Variants in RPIA observed in about 807,000 individuals in gnomAD.
RPIA encodes the protein ribose 5-phosphate isomerase A, also known as ribose-5-phosphate isomerase.
RPIA carries 29 observed loss-of-function variants against 37.8 expected under a neutral mutation model. The ratio of observed to expected loss-of-function variants is 0.77; its 90% CI spans 0.57 to 1.05. The LOEUF is 1.05. Ranked by LOEUF, RPIA falls within the 50% of genes least tolerant of loss-of-function variation. RPIA has a pLI of 0.00. For missense variants in RPIA, 385 were observed against 413.6 expected, an observed-to-expected ratio of 0.93 and a Z score of 0.60; for synonymous variants, 167 against 157.0, an observed-to-expected ratio of 1.06 and a Z score of -0.48.
At chr2:88,721,406 TTATAAA>T (rs1180683008) in intron 3 of RPIA, among the ~76,000 whole-genome samples, 12 of 148,908 alleles carry the variant, frequency 8.1e-5, no homozygotes, top group African/African-American at 2.9e-4. Flanking sequence ...ACTTTAATAC[TTATAAA>T]TATATTACTA....
At chr2:88,742,036 G>T (rs1397596688) in intron 8 of RPIA, among the ~76,000 whole-genome samples, 1 of 152,038 alleles carries the variant, frequency 6.6e-6, no homozygotes, top group Non-Finnish European at 1.5e-5. Context: ...TCCTTTTGTT[G>T]TGCAGAAGCT....
chr2:88,699,171 T>C (rs7565298), intron 2 of RPIA, among the ~76,000 whole-genome samples: 9,388 of 152,298 alleles, frequency 0.062, 515 homozygotes, highest in African/African-American at 0.14. Context: ...AGGAACACTT[T>C]GTTATCAAGG....
chr2:88,723,219 G>C (rs1673156007), intron 3 of RPIA, among the ~76,000 whole-genome samples: 1 of 152,138 alleles, frequency 6.6e-6, no homozygotes, highest in African/African-American at 2.4e-5. Context: ...AGACCAACTA[G>C]TTATTAAGCT....
intron 1 of RPIA, among the ~76,000 whole-genome samples, chr2:88,694,281 G>A (rs1301489164): frequency 6.6e-6 from 1 of 152,228 alleles, no homozygotes; most frequent in Non-Finnish European, 1.5e-5. Context: ...TGGGTGAAGA[G>A]CTTTAGGTCT....
chr2:88,728,919 A>G (rs1047213230), intron 3 of RPIA, among the ~76,000 whole-genome samples: 1 of 152,058 alleles, frequency 6.6e-6, no homozygotes, highest in Non-Finnish European at 1.5e-5. Flanking sequence ...TTGTTTTAAA[A>G]CCTTTGTAGT....
intron 3 of RPIA, among the ~76,000 whole-genome samples, chr2:88,722,091 G>T (rs969716933): frequency 1.3e-5 from 2 of 149,876 alleles, no homozygotes; most frequent in Non-Finnish European, 3.0e-5. Context: ...TTTTATTCTA[G>T]GCCCAAATTA....
chr2:88,750,358 A>C lies in RPIA; in HGVS notation c.*280A>C, dbSNP rs1673490470. On this transcript the variant is annotated 3_prime_UTR_variant, in exon 9 of 9. Transcript: ENST00000283646. ...TCATGTTTTATATGAAATATTTACC[A>C]AAAAAAAAAAATGAGGTAAACTGTA... is the stretch of plus-strand genomic sequence containing the variant. The C allele has an allele frequency of 5.5e-6, 1 of 181,490 alleles. No homozygotes were observed. Among genetic ancestry groups the C allele is most frequent in the South Asian group, 1.4e-4 (1 of 6,916 alleles). 11.2% of individuals were successfully genotyped at this position (181,490 alleles called of 1,614,324 possible).
intron 1 of RPIA, among the ~76,000 whole-genome samples, chr2:88,695,385 A>C (rs1004942170): frequency 6.6e-6 from 1 of 152,310 alleles, no homozygotes; most frequent in Admixed American, 6.5e-5. Context: ...GTTGAAATTG[A>C]ATTGGAGGAT....
chr2:88,714,336 AT>A (rs1446999860), intron 3 of RPIA, among the ~76,000 whole-genome samples: 4 of 151,864 alleles, frequency 2.6e-5, no homozygotes, highest in Non-Finnish European at 5.9e-5. Flanking sequence ...CACCCGGCTA[AT>A]TTTTTTGTAT....
intron 1 of RPIA, among the ~76,000 whole-genome samples, chr2:88,692,800 T>C (rs10177077): frequency 7.2e-4 from 109 of 152,282 alleles, no homozygotes; most frequent in African/African-American, 2.5e-3. Flanking sequence ...GGTATTAGAG[T>C]CTCTTTTCTT....
chr2:88,713,046 T>G (rs1672978524), intron 3 of RPIA, among the ~76,000 whole-genome samples: 1 of 149,214 alleles, frequency 6.7e-6, no homozygotes, highest in Non-Finnish European at 1.5e-5. Flanking sequence ...TTTTTTTGTA[T>G]TTTTAGTAGA....
rs537744342 is a variant in RPIA, at chr2:88,735,943, T to G, written c.596+206T>G. 3.9e-5 allele frequency among the ~76,000 whole-genome samples: 6 copies of G among 152,326 alleles called. No homozygotes were observed. The South Asian group carries it at 1.2e-3, about 32-fold the overall frequency. ...GATGTTGCTAATCACAGCACTGTTA[T>G]CCGCAGCCAGGATCTCTAGCATCGT... On this transcript the variant is annotated intron_variant, in intron 6 of 8. Coordinates refer to ENST00000283646, the MANE Select transcript of RPIA (RefSeq NM_144563.3).
chr2:88,725,192 T>G (rs1272268458), intron 3 of RPIA, among the ~76,000 whole-genome samples: 1 of 152,228 alleles, frequency 6.6e-6, no homozygotes, highest in African/African-American at 2.4e-5. Flanking sequence ...TAGAAGCTTC[T>G]GGTGTCTAGC....
At chr2:88,707,945 T>C (rs1672916697) in intron 3 of RPIA, among the ~76,000 whole-genome samples, 1 of 152,202 alleles carries the variant, frequency 6.6e-6, no homozygotes, top group African/African-American at 2.4e-5. Context: ...ATCGGAACAT[T>C]GGACTGATTC....
chr2:88,742,913 G>T (rs1449226841), intron 8 of RPIA, among the ~76,000 whole-genome samples: 1 of 152,122 alleles, frequency 6.6e-6, no homozygotes, highest in Non-Finnish European at 1.5e-5. Context: ...AAACTTTACG[G>T]AATTCATTTA....
chr2:88,725,159 C>T (rs996244514), intron 3 of RPIA, among the ~76,000 whole-genome samples: 5 of 152,236 alleles, frequency 3.3e-5, no homozygotes, highest in East Asian at 3.9e-4. Context: ...CTACACGCTC[C>T]GGAGACCCTT....
chr2:88,718,325 T>G (rs1673060938), intron 3 of RPIA, among the ~76,000 whole-genome samples: 1 of 152,076 alleles, frequency 6.6e-6, no homozygotes, highest in African/African-American at 2.4e-5. Context: ...TTGTATACAG[T>G]GCAGCAAGAA....
intron 5 of RPIA, among the ~76,000 whole-genome samples, chr2:88,734,997 T>C (rs1317094114): frequency 6.6e-6 from 1 of 152,254 alleles, no homozygotes; most frequent in Non-Finnish European, 1.5e-5. Flanking sequence ...GTTAGGGATA[T>C]TATTTGTTCC....
chr2:88,692,308 C>CT (rs1166149666), intron 1 of RPIA, among the ~76,000 whole-genome samples: 1 of 152,160 alleles, frequency 6.6e-6, no homozygotes, highest in East Asian at 1.9e-4. Context: ...TTGTGGCCTC[C>CT]TTATCAATAA....
Sources: gnomAD v4.1 joint callset for allele counts (sites outside exome capture counted in the v4.1 genomes callset) on GRCh38, gnomAD v4.1.1 for gene constraint, MANE v1.5 for transcripts, NCBI Gene and HGNC (gene_info 2026-07-23, HGNC 2026-07-21) for gene names.